Variants in SWI5 observed in about 807,000 individuals in gnomAD.
SWI5 encodes the protein DNA repair protein SWI5 homolog.
SWI5 carries 12 observed loss-of-function variants against 17.0 expected under a neutral mutation model. The observed-to-expected ratio is 0.71, with a 90% CI of 0.45 to 1.14. The LOEUF (loss-of-function observed/expected upper bound fraction) is 1.14, where lower values mean the gene tolerates loss of function less well. Among genes scored for constraint, SWI5 ranks in the 50% most tolerant of loss-of-function variants. The pLI is 0.00. For synonymous variants in SWI5, 61 were observed against 64.0 expected (o/e 0.95, Z 0.22); for missense variants, 158 against 162.2 (o/e 0.97, Z 0.14).
rs754470996 is a variant in SWI5 at position 128,284,601 on chromosome 9, T to G, written c.203T>G (p.Leu68Arg). Residue 68 changes from leucine (L) to arginine (R), a missense_variant, in exon 3 of 5, where the codon CTG (leucine) becomes CGG (arginine). Coordinates refer to ENST00000418976, the Ensembl canonical transcript of SWI5. ...AAACTGAAGGAGAAGAGGGACATGC[T>G]GGACAAGGAGATCTCCCAGTTCGTA... is the stretch of plus-strand genomic sequence containing the variant. 5.0e-5 allele frequency: 81 copies of G among 1,613,818 alleles called. No homozygotes were observed. The highest frequency in any genetic ancestry group is 6.6e-5 in the Non-Finnish European group (78 of 1,179,938).
chr9:128,276,149 C>A, upstream of SWI5: 1 of 1,567,046 alleles, frequency 6.4e-7, no homozygotes, highest in Non-Finnish European at 8.6e-7. Flanking sequence ...CGTGGCTATG[C>A]AGCGGCGTGG....
intron 2 of SWI5, among the ~76,000 whole-genome samples, chr9:128,280,283 C>T (rs1831513518): frequency 6.6e-6 from 1 of 151,972 alleles, no homozygotes; most frequent in Non-Finnish European, 1.5e-5. Flanking sequence ...GCCCACAACC[C>T]TCCTATCTCT....
In SWI5 at chr9:128,285,961, G is replaced by T; in HGVS notation, c.256G>T (p.Glu86Ter). The T allele has an allele frequency of 3.7e-6, 6 of 1,614,054 alleles. No individual in the cohort carries two copies. Among genetic ancestry groups the T allele is most frequent in the Non-Finnish European group, 5.1e-6 (6 of 1,179,940 alleles). ...CAGAGGCTACAGTGTGGATGAACTG[G>T]AGGACCACATTACCCAGCTTCACGA... Residue 86 changes from glutamate (E) to a stop codon, truncating the protein, a stop_gained, in exon 4 of 5, where the codon GAG becomes TAG. Transcript: ENST00000418976. LOFTEE classifies it high-confidence loss of function. This position sits in a 1 kb window ranked among gnomAD's most constrained non-coding sequence, Gnocchi z 4.8.
At chr9:128,281,185 G>A (rs1020690797) in intron 2 of SWI5, among the ~76,000 whole-genome samples, 12 of 151,568 alleles carry the variant, frequency 7.9e-5, no homozygotes, top group Non-Finnish European at 1.6e-4. Context: ...CTACAGGTGC[G>A]CACCACCATG....
At chr9:128,276,372 T>G (rs1221253001) in exon 1 of SWI5, 2 of 1,612,990 alleles carry the variant, frequency 1.2e-6, no homozygotes, top group South Asian at 2.2e-5. Context: ...AACCCCCTGA[T>G]CCGGGGGCCT....
In SWI5 at chr9:128,276,442, C is replaced by T. The variant is rs1404193711; in HGVS notation, c.62+40C>T. 12 of 1,604,420 alleles carry T rather than the reference C, an allele frequency of 7.5e-6. No individual in the cohort carries two copies. The African/African-American group carries it at 8.0e-5, about 11-fold the overall frequency. Reference sequence around the variant, plus strand: ...GACTCCACAGTTTCTTTCCTGACTCCTCACAGCCCTGCCCCAGACTCTCCC... The same window carrying T: ...GACTCCACAGTTTCTTTCCTGACTCTTCACAGCCCTGCCCCAGACTCTCCC... On this transcript the variant is annotated intron_variant, in intron 1 of 4. Transcript: ENST00000418976.
chr9:128,275,848 TG>T, upstream of SWI5: 1 of 991,640 alleles, frequency 1.0e-6, no homozygotes, highest in Non-Finnish European at 1.5e-6. Context: ...GCCATCGGAG[TG>T]GGGCTGGGGC....
rs186568535 is a variant in SWI5 at position 128,277,717 on chromosome 9, A to G, written c.111+962A>G. On this transcript the variant is annotated intron_variant, in intron 2 of 4. Transcript: ENST00000418976. ...CACATGGTTCTGAGATGGGGAGCCC[A>G]GGCTTGGGCTTGCAAAGAGGGCTCT... Among the ~76,000 whole-genome samples the G allele has an allele frequency of 5.3e-3, 803 of 152,346 alleles. 4 individuals carry two copies. The highest frequency in any genetic ancestry group is 9.0e-3 in the Non-Finnish European group (611 of 68,032).
At chr9:128,288,561 G>A in intron 4 of SWI5, 91 bp from the exon 5 acceptor site, 1 of 1,364,596 alleles carries the variant, frequency 7.3e-7, no homozygotes, top group South Asian at 1.2e-5. Context: ...GGTCCTGGGT[G>A]GGTCAGGGCA....
chr9:128,276,686 T>C, intron 1 of SWI5, 21 bp from the exon 2 acceptor site: 1 of 1,613,782 alleles, frequency 6.2e-7, no homozygotes, highest in Non-Finnish European at 8.5e-7. Flanking sequence ...AATCAGACTT[T>C]CCCCTCGGAT....
At chr9:128,288,866 G>A in exon 5 of SWI5, 1 of 805,706 alleles carries the variant, frequency 1.2e-6, no homozygotes. Flanking sequence ...ATCAGGAGGA[G>A]GCTAGAGAAG....
intron 2 of SWI5, among the ~76,000 whole-genome samples, chr9:128,279,212 G>A (rs928753182): frequency 6.6e-6 from 1 of 152,146 alleles, no homozygotes; most frequent in Admixed American, 6.5e-5. Context: ...GGTAAATGTG[G>A]GCATTTCTGT....
At chr9:128,288,814 C>G (rs753945760) in exon 5 of SWI5, 2 of 1,363,224 alleles carry the variant, frequency 1.5e-6, no homozygotes, top group African/African-American at 1.4e-5. Flanking sequence ...GAGTTTCCAG[C>G]GAGACAATGC....
At position 128,285,053 on chromosome 9, in the gene SWI5, G is replaced by A. The variant is rs770169092; in HGVS notation, c.233+422G>A. Among the ~76,000 whole-genome samples the A allele has an allele frequency of 2.0e-5, 3 of 151,440 alleles. No individual in the cohort carries two copies. Among genetic ancestry groups the A allele is most frequent in the African/African-American group, 7.3e-5 (3 of 41,204 alleles). On this transcript the variant is annotated intron_variant, in intron 3 of 4. Coordinates refer to ENST00000418976, the Ensembl canonical transcript of SWI5. The surrounding 1 kb of genome is among the most constrained non-coding windows in gnomAD (Gnocchi z 4.8). ...GCCTAGCATAGAAATACGACTGTGC[G>A]CTACTCAGGAGGCTGAGGCAGGAGA...
rs1831585312 is a variant in SWI5 at position 128,283,857 on chromosome 9, C to T, written c.112-653C>T. On this transcript the variant is annotated intron_variant, in intron 2 of 4. Transcript: ENST00000418976. Reference sequence around the variant, plus strand: ...CCCAGTCATTGGCTGGGAACAGTGGCTCATGCCTGTAATCCAAACATTGTT... The same window carrying T: ...CCCAGTCATTGGCTGGGAACAGTGGTTCATGCCTGTAATCCAAACATTGTT... Among the ~76,000 whole-genome samples the T allele has an allele frequency of 3.3e-5, 5 of 152,138 alleles. No homozygotes were observed. In the South Asian group the frequency reaches 1.0e-3, roughly 31 times the overall value.
At chr9:128,287,902 C>G (rs957524414) in intron 4 of SWI5, among the ~76,000 whole-genome samples, 2 of 152,104 alleles carry the variant, frequency 1.3e-5, no homozygotes, top group Admixed American at 1.3e-4. Context: ...AGCAGCTGCT[C>G]TGTGCCCAGC....
rs1312227878 is a variant in SWI5 at position 128,285,240 on chromosome 9, A to AGG, written c.233+610_233+611insGG. ...GAAGGAAGGAAAGAAAGGAAGGGAA[A>AGG]GAAGGAAAGGGGGGAAGGAAAGGGA... On this transcript the variant is annotated intron_variant, in intron 3 of 4. Coordinates refer to ENST00000418976, the Ensembl canonical transcript of SWI5. This position sits in a 1 kb window ranked among gnomAD's most constrained non-coding sequence, Gnocchi z 4.8. Among the ~76,000 whole-genome samples, 3 of 150,298 alleles carry AGG rather than the reference A, an allele frequency of 2.0e-5. No homozygotes were observed. In the East Asian group the frequency reaches 6.0e-4, roughly 30 times the overall value.
intron 2 of SWI5, among the ~76,000 whole-genome samples, chr9:128,279,692 C>G (rs771582982): frequency 3.3e-5 from 5 of 152,156 alleles, no homozygotes; most frequent in Non-Finnish European, 5.9e-5. Context: ...AAGCACAGCC[C>G]CACAGGGAGG....
intron 1 of SWI5, 88 bp downstream of exon 1, chr9:128,276,490 A>G: frequency 1.3e-6 from 2 of 1,575,232 alleles, no homozygotes; most frequent in Non-Finnish European, 1.7e-6. Flanking sequence ...ACCTCCAAAG[A>G]CTCCCATCCA....
Sources: allele counts gnomAD v4.1 joint callset (sites outside exome capture counted in the v4.1 genomes callset), GRCh38; gene constraint gnomAD v4.1.1; non-coding constraint Gnocchi (gnomAD v3.1); transcripts MANE v1.5; gene names NCBI Gene and HGNC (gene_info 2026-07-23, HGNC 2026-07-21).